The following CEP112 variants were observed in gnomAD, a reference collection of about 807,000 sequenced individuals.
CEP112 encodes centrosomal protein of 112 kDa.
In CEP112, 127 loss-of-function variants were observed where a neutral mutation model predicts 153.0. That is an observed-to-expected ratio of 0.83 (90% confidence interval 0.72 to 0.96). CEP112 has a LOEUF of 0.96. Ranked by LOEUF, CEP112 falls within the 40% of genes least tolerant of loss-of-function variation. The pLI is 0.00. For synonymous variants in CEP112, 358 were observed against 374.4 expected, an observed-to-expected ratio of 0.96 and a Z score of 0.51; for missense variants, 1,089 against 1,101.2, an observed-to-expected ratio of 0.99 and a Z score of 0.16.
At chr17:65,977,356 C>T (rs1228152724) in intron 17 of CEP112, among the ~76,000 whole-genome samples, 2 of 152,180 alleles carry the variant, frequency 1.3e-5, no homozygotes, top group Non-Finnish European at 2.9e-5. Context: ...CGCAGTTTTC[C>T]AGTTCCGAAT....
At position 65,892,829 on chromosome 17, in the gene CEP112, G is replaced by A. The variant is rs1359028346; in HGVS notation, c.2163+9323C>T. 2.0e-5 allele frequency among the ~76,000 whole-genome samples: 3 copies of A among 152,124 alleles called. No individual in the cohort carries two copies. In the East Asian group the frequency reaches 5.8e-4, roughly 29 times the overall value. On this transcript the variant is annotated intron_variant, in intron 20 of 26. Coordinates refer to ENST00000535342, the MANE Select transcript of CEP112 (RefSeq NM_001199165.4). ...GCTATCATTTTAGCCAACAAGTGAG[G>A]ATAACATTTACATTTCAAAAAATTA...
intron 6 of CEP112, among the ~76,000 whole-genome samples, chr17:66,106,777 T>C (rs2068801824): frequency 6.6e-6 from 1 of 152,032 alleles, no homozygotes; most frequent in Admixed American, 6.6e-5. Flanking sequence ...GGAAGGAATA[T>C]TTCCTAACTC....
At chr17:65,777,983 G>A (rs141722319) in intron 21 of CEP112, among the ~76,000 whole-genome samples, 3 of 151,700 alleles carry the variant, frequency 2.0e-5, no homozygotes, top group Admixed American at 1.3e-4. Context: ...TCAGTCTCAC[G>A]TTGACAGTAT....
At chr17:65,853,822 G>A (rs1200971808) in intron 20 of CEP112, among the ~76,000 whole-genome samples, 1 of 152,028 alleles carries the variant, frequency 6.6e-6, no homozygotes, top group Admixed American at 6.6e-5. Context: ...AGTGGTTATT[G>A]TTTTGTCATT....
chr17:65,979,512 T>C (rs1020367501), intron 17 of CEP112, among the ~76,000 whole-genome samples: 1 of 152,198 alleles, frequency 6.6e-6, no homozygotes, highest in Admixed American at 6.5e-5. Context: ...AGCTCTGAGA[T>C]GACAGGTGTG....
chr17:66,165,692 C>T (rs1213822482), intron 4 of CEP112, among the ~76,000 whole-genome samples: 6 of 152,140 alleles, frequency 3.9e-5, no homozygotes, highest in Admixed American at 3.9e-4. Context: ...CATAGATTAA[C>T]TTCTTCAACC....
chr17:65,909,425 G>A (rs1478858075), intron 19 of CEP112, among the ~76,000 whole-genome samples: 3 of 152,126 alleles, frequency 2.0e-5, no homozygotes, highest in Non-Finnish European at 4.4e-5. Context: ...TCTCCCTTAA[G>A]TGAATAGAAA....
intron 20 of CEP112, among the ~76,000 whole-genome samples, chr17:65,896,492 C>T (rs928732212): frequency 6.6e-6 from 1 of 151,838 alleles, no homozygotes; most frequent in Non-Finnish European, 1.5e-5. Context: ...TTTCTGCTAA[C>T]TAAATACTTA....
chr17:65,859,163 G>T (rs546284160), intron 20 of CEP112, among the ~76,000 whole-genome samples: 1 of 152,002 alleles, frequency 6.6e-6, no homozygotes, highest in Non-Finnish European at 1.5e-5. Flanking sequence ...AAAAACATTG[G>T]CCAGGTGCGG....
intron 17 of CEP112, among the ~76,000 whole-genome samples, chr17:65,970,184 C>T (rs935444555): frequency 4.1e-4 from 61 of 149,494 alleles, no homozygotes; most frequent in African/African-American, 1.4e-3. Context: ...ATTTGTATTA[C>T]ATGCATATAT....
At position 65,668,411 on chromosome 17, in the gene CEP112, C is replaced by T. The variant is rs149320915; in HGVS notation, c.2697+20718G>A. 1.8e-3 allele frequency among the ~76,000 whole-genome samples: 269 copies of T among 152,346 alleles called. 2 individuals are homozygous for T. Among genetic ancestry groups the T allele is most frequent in the African/African-American group, 3.2e-3 (132 of 41,574 alleles). ...CATTAAGTCAGGAACTTTCTACCCACATCCAAGAGACCTTATTACCCCTGT... is the reference window on the plus strand; with the variant it reads ...CATTAAGTCAGGAACTTTCTACCCATATCCAAGAGACCTTATTACCCCTGT... On this transcript the variant is annotated intron_variant, in intron 24 of 26. Coordinates refer to ENST00000535342, the MANE Select transcript of CEP112 (RefSeq NM_001199165.4).
In CEP112 at chr17:66,177,004, A is replaced by G; in HGVS notation, c.123T>C (p.Ala41=). The G allele has an allele frequency of 3.1e-6, 5 of 1,611,254 alleles. No individual in the cohort carries two copies. The South Asian group carries it at 4.4e-5, about 14-fold the overall frequency. ...LPHRTERQRC[A]LWIRKLCEPS... ...GTTCGCACAGCTTTCTAATCCAAAG[A>G]GCACACCTCTGCCGTTCTATAAATA... is the stretch of plus-strand genomic sequence containing the variant. Residue 41 remains alanine (A), a synonymous_variant, in exon 3 of 27, where the codon GCT becomes GCC. Coordinates refer to ENST00000535342, the MANE Select transcript of CEP112 (RefSeq NM_001199165.4).
At chr17:65,957,569 T>C (rs2062044078) in intron 18 of CEP112, among the ~76,000 whole-genome samples, 1 of 152,150 alleles carries the variant, frequency 6.6e-6, no homozygotes. Flanking sequence ...TATTCTAACT[T>C]TTGTGTTAAC....
At chr17:66,175,343 T>A in intron 3 of CEP112, 127 bp from the exon 4 acceptor site, 1 of 614,908 alleles carries the variant, frequency 1.6e-6, no homozygotes, top group Non-Finnish European at 2.7e-6. Flanking sequence ...TTCAAACATT[T>A]AAAAAATTAA....
At position 65,824,495 on chromosome 17, in the gene CEP112, C is replaced by T. The variant is rs149963527; in HGVS notation, c.2394+27309G>A. The stretch of plus-strand genomic sequence containing the variant: ...TTGATGTGGTGATGGTTTGTCAAAA[C>T]TTGCAGAACTGCACATAACCTATAT... On this transcript the variant is annotated intron_variant, in intron 21 of 26. Coordinates refer to ENST00000535342, the MANE Select transcript of CEP112 (RefSeq NM_001199165.4). Among the ~76,000 whole-genome samples, 1,230 of 152,300 alleles carry T rather than the reference C, an allele frequency of 8.1e-3. 8 individuals are homozygous for T. Among genetic ancestry groups the T allele is most frequent in the Non-Finnish European group, 0.013 (890 of 68,022 alleles).
intron 16 of CEP112, among the ~76,000 whole-genome samples, chr17:66,020,004 A>C (rs1402743490): frequency 2.0e-5 from 3 of 152,220 alleles, no homozygotes; most frequent in Non-Finnish European, 4.4e-5. Flanking sequence ...GATGTAATGA[A>C]GTTTGGGATA....
intron 21 of CEP112, chr17:65,826,331 A>G: frequency 6.2e-7 from 1 of 1,613,574 alleles, no homozygotes; most frequent in South Asian, 1.1e-5. Context: ...TCTCAGAAGC[A>G]GTGATGAGAG....
At chr17:65,796,421 G>C (rs1260281266) in intron 21 of CEP112, among the ~76,000 whole-genome samples, 1 of 152,104 alleles carries the variant, frequency 6.6e-6, no homozygotes, top group African/African-American at 2.4e-5. Flanking sequence ...CTGTATATGA[G>C]GGTATTTTTC....
chr17:65,872,568 C>T lies in CEP112; in HGVS notation c.2164-20534G>A, dbSNP rs552854826. On this transcript the variant is annotated intron_variant, in intron 20 of 26. Coordinates refer to ENST00000535342, the MANE Select transcript of CEP112 (RefSeq NM_001199165.4). The stretch of plus-strand genomic sequence containing the variant: ...CCATTTAGCTACAGACACAATGATC[C>T]TAATTATAACAGTGTTTAAAATAAA... Among the ~76,000 whole-genome samples, 5 of 152,090 alleles carry T rather than the reference C, an allele frequency of 3.3e-5. No individual in the cohort carries two copies. In the South Asian group the frequency reaches 1.0e-3, roughly 32 times the overall value.
Sources: gnomAD v4.1 joint callset for allele counts (sites outside exome capture counted in the v4.1 genomes callset) on GRCh38, gnomAD v4.1.1 for gene constraint, MANE v1.5 for transcripts, NCBI Gene and HGNC (gene_info 2026-07-23, HGNC 2026-07-21) for gene names.